Variants in CNTLN observed in about 807,000 individuals in gnomAD.
The protein encoded by CNTLN is centlein, centrosomal protein.
Under a neutral mutation model 180.0 loss-of-function variants are expected in CNTLN, and 212 were observed. The observed-to-expected ratio is 1.18, with a 90% CI of 1.05 to 1.32. CNTLN has a LOEUF of 1.32. Ranked by LOEUF, CNTLN falls within the 40% of genes most tolerant of loss-of-function variation. The pLI is 0.00. For missense variants in CNTLN, 2,095 were observed against 1,610.9 expected (o/e 1.30, Z -5.14); for synonymous variants, 722 against 563.1 (o/e 1.28, Z -3.99).
chr9:17,402,084 G>A (rs2133789844), intron 15 of CNTLN, among the ~76,000 whole-genome samples: 1 of 151,946 alleles, frequency 6.6e-6, no homozygotes, highest in South Asian at 2.1e-4. Flanking sequence ...TATGTGGAAT[G>A]CCTGACAAGC....
chr9:17,400,629 G>C (rs1826901148), intron 15 of CNTLN, among the ~76,000 whole-genome samples: 1 of 152,174 alleles, frequency 6.6e-6, no homozygotes, highest in Non-Finnish European at 1.5e-5. Context: ...GATACGTTGT[G>C]AGAAAGAAAT....
At chr9:17,365,985 T>A (rs1020682532) in intron 12 of CNTLN, among the ~76,000 whole-genome samples, 1 of 152,162 alleles carries the variant, frequency 6.6e-6, no homozygotes, top group Non-Finnish European at 1.5e-5. Flanking sequence ...AATACATAAT[T>A]TTTAAAATTA....
At chr9:17,267,305 G>T (rs201641771) in intron 5 of CNTLN, among the ~76,000 whole-genome samples, 18 of 152,080 alleles carry the variant, frequency 1.2e-4, no homozygotes, top group Admixed American at 3.3e-4. Flanking sequence ...TGAAGGTTAG[G>T]TTGGCTGGAT....
intron 2 of CNTLN, among the ~76,000 whole-genome samples, chr9:17,153,066 G>T (rs928004592): frequency 1.3e-5 from 2 of 152,056 alleles, no homozygotes; most frequent in Non-Finnish European, 2.9e-5. Flanking sequence ...CACATGAGAT[G>T]GTTCTCCTGA....
chr9:17,215,468 G>A (rs1432328131), intron 2 of CNTLN, among the ~76,000 whole-genome samples: 1 of 146,002 alleles, frequency 6.8e-6, no homozygotes, highest in Admixed American at 6.6e-5. Flanking sequence ...CCCTACTAGG[G>A]GGTGCCTCCC....
intron 5 of CNTLN, among the ~76,000 whole-genome samples, chr9:17,271,177 G>A (rs1307999938): frequency 4.6e-5 from 7 of 151,962 alleles, no homozygotes; most frequent in Admixed American, 1.3e-4. Context: ...TCCTGACCTC[G>A]TGATCTGCCC....
At chr9:17,369,962 G>C (rs964751962) in intron 13 of CNTLN, among the ~76,000 whole-genome samples, 2 of 150,994 alleles carry the variant, frequency 1.3e-5, no homozygotes, top group Non-Finnish European at 2.9e-5. Flanking sequence ...ACTCCAGCCT[G>C]GTGACAAAGC....
At chr9:17,261,509 TG>T (rs1826973323) in intron 5 of CNTLN, among the ~76,000 whole-genome samples, 1 of 151,552 alleles carries the variant, frequency 6.6e-6, no homozygotes, top group African/African-American at 2.4e-5. Flanking sequence ...TGCTGATTTT[TG>T]TGCATTGATT....
chr9:17,177,147 C>T (rs1047627765), intron 2 of CNTLN, among the ~76,000 whole-genome samples: 6 of 152,098 alleles, frequency 3.9e-5, no homozygotes, highest in African/African-American at 1.2e-4. Flanking sequence ...CGGTGGCTCA[C>T]GCCTGTAATC....
intron 1 of CNTLN, 26 bp from the exon 2 acceptor site, chr9:17,143,262 T>G: frequency 1.3e-6 from 2 of 1,546,300 alleles, no homozygotes; most frequent in East Asian, 4.5e-5. Flanking sequence ...AAGCAATGCA[T>G]CTAAATTCTC....
intron 2 of CNTLN, among the ~76,000 whole-genome samples, chr9:17,148,088 G>A (rs1224646269): frequency 6.6e-6 from 1 of 152,150 alleles, no homozygotes; most frequent in Non-Finnish European, 1.5e-5. Flanking sequence ...AAGACAGAGA[G>A]AATACATTAT....
At chr9:17,476,742 C>T (rs1832369589) in intron 23 of CNTLN, among the ~76,000 whole-genome samples, 1 of 152,130 alleles carries the variant, frequency 6.6e-6, no homozygotes, top group South Asian at 2.1e-4. Flanking sequence ...TTGAAGCTAC[C>T]TGAGGTTTAA....
chr9:17,318,838 T>TTCCA (rs60102156), intron 8 of CNTLN, among the ~76,000 whole-genome samples: 8,478 of 151,342 alleles, frequency 0.056, 253 homozygotes, highest in East Asian at 0.096. Context: ...CCATCCTTTA[T>TTCCA]TCCATCCATC....
intron 6 of CNTLN, among the ~76,000 whole-genome samples, chr9:17,285,070 T>C (rs866566948): frequency 2.6e-5 from 4 of 151,290 alleles, no homozygotes; most frequent in Admixed American, 2.0e-4. Context: ...TAGTTACATA[T>C]GTATACATGT....
chr9:17,450,333 C>A (rs1324275493), intron 18 of CNTLN, among the ~76,000 whole-genome samples: 7 of 151,908 alleles, frequency 4.6e-5, no homozygotes, highest in Non-Finnish European at 7.4e-5. Context: ...TCTTGATAGG[C>A]AATTAGCAGT....
intron 2 of CNTLN, among the ~76,000 whole-genome samples, chr9:17,184,441 T>A (rs1284974063): frequency 2.0e-5 from 3 of 151,940 alleles, no homozygotes; most frequent in Non-Finnish European, 2.9e-5. Flanking sequence ...TTCAAAATCA[T>A]ACGTTATGCA....
the CNTLN span, among the ~76,000 whole-genome samples, chr9:17,511,910 A>T: frequency 2.0e-5 from 3 of 152,194 alleles, no homozygotes; most frequent in African/African-American, 7.2e-5. Context: ...AGGAAGACAG[A>T]TGCAGCTTAT....
At chr9:17,341,001 T>G in intron 11 of CNTLN, 53 bp downstream of exon 11, 1 of 1,492,048 alleles carries the variant, frequency 6.7e-7, no homozygotes. Flanking sequence ...TGGAATGGAG[T>G]AGCATTATAT....
At chr9:17,153,760 G>T (rs778655607) in intron 2 of CNTLN, among the ~76,000 whole-genome samples, 3 of 152,134 alleles carry the variant, frequency 2.0e-5, no homozygotes, top group Admixed American at 6.5e-5. Flanking sequence ...TTCCAACTCG[G>T]TTCCATTCTC....
Sources: gnomAD v4.1 joint callset for allele counts (sites outside exome capture counted in the v4.1 genomes callset) on GRCh38, gnomAD v4.1.1 for gene constraint, MANE v1.5 for transcripts, NCBI Gene and HGNC (gene_info 2026-07-23, HGNC 2026-07-21) for gene names.